Variants in USP12 observed in about 807,000 individuals in gnomAD.
The protein encoded by USP12 is ubiquitin carboxyl-terminal hydrolase 12.
A neutral mutation model predicts 45.5 loss-of-function variants in USP12; 19 were observed. The ratio of observed to expected loss-of-function variants is 0.42; its 90% CI spans 0.29 to 0.61. The LOEUF is 0.61. Among genes scored for constraint, USP12 ranks in the 20% least tolerant of loss-of-function variants. The pLI is 0.22. For missense variants in USP12, 242 were observed against 447.7 expected, an observed-to-expected ratio of 0.54 and a Z score of 4.15; for synonymous variants, 149 against 148.8, an observed-to-expected ratio of 1.00 and a Z score of -0.01.
At chr13:27,117,743 C>A (rs755420728) in intron 1 of USP12, 1 of 518,120 alleles carries the variant, frequency 1.9e-6, no homozygotes, top group South Asian at 1.4e-5. Flanking sequence ...GGAGAAAAAA[C>A]AAAATTCAAG....
At chr13:27,160,013 G>C (rs930444491) in intron 1 of USP12, among the ~76,000 whole-genome samples, 1 of 152,176 alleles carries the variant, frequency 6.6e-6, no homozygotes, top group East Asian at 1.9e-4. Flanking sequence ...GCGGAATTGC[G>C]AACACTTGGC....
chr13:27,140,322 T>C (rs941835005), intron 1 of USP12, among the ~76,000 whole-genome samples: 3 of 152,230 alleles, frequency 2.0e-5, no homozygotes, highest in Admixed American at 6.5e-5. Context: ...GTAGTTTGTC[T>C]GAAAACTCAT....
chr13:27,145,872 A>G (rs1464079661), intron 1 of USP12, among the ~76,000 whole-genome samples: 1 of 152,216 alleles, frequency 6.6e-6, no homozygotes, highest in African/African-American at 2.4e-5. Context: ...ACTAGCCCTT[A>G]TAATTAATGA....
intron 6 of USP12, among the ~76,000 whole-genome samples, chr13:27,083,531 A>G (rs1249421259): frequency 6.6e-6 from 1 of 151,922 alleles, no homozygotes; most frequent in Non-Finnish European, 1.5e-5. Flanking sequence ...CAGGGCGATC[A>G]CTCTCCTCTC....
At chr13:27,113,576 C>T (rs1446627958) in intron 2 of USP12, among the ~76,000 whole-genome samples, 3 of 152,200 alleles carry the variant, frequency 2.0e-5, no homozygotes, top group Non-Finnish European at 2.9e-5. Flanking sequence ...CTCCAATGGA[C>T]GTCAGTTCCT....
intron 6 of USP12, 60 bp downstream of exon 6, chr13:27,089,823 C>A (rs558054015): frequency 2.6e-6 from 4 of 1,536,848 alleles, no homozygotes; most frequent in South Asian, 2.4e-5. Flanking sequence ...TCTAAGCCCA[C>A]CTCCAACATC....
chr13:27,103,998 G>A (rs1875009043), intron 3 of USP12, among the ~76,000 whole-genome samples: 1 of 152,054 alleles, frequency 6.6e-6, no homozygotes, highest in Non-Finnish European at 1.5e-5. Flanking sequence ...TAAATGAAAA[G>A]GGAAATAATG....
intron 4 of USP12, among the ~76,000 whole-genome samples, chr13:27,094,695 C>T (rs1205933451): frequency 6.7e-6 from 1 of 150,322 alleles, no homozygotes; most frequent in Non-Finnish European, 1.5e-5. Flanking sequence ...ATCAGAGAAA[C>T]TAAATATGAG....
In USP12 at chr13:27,091,752, G is replaced by T. The variant is rs566510307; in HGVS notation, c.574-1594C>A. On this transcript the variant is annotated intron_variant, in intron 4 of 8. Coordinates refer to ENST00000282344, the MANE Select transcript of USP12 (RefSeq NM_182488.4). ...ACCCTGGGGAACACCCACATTTAAA[G>T]AATGGAAAAAGAGAAGCCAAGGAAT... 1.9e-3 allele frequency among the ~76,000 whole-genome samples: 293 copies of T among 152,224 alleles called. 1 individual carries two copies. The South Asian group carries it at 0.02, about 10-fold the overall frequency.
chr13:27,162,242 T>C (rs1878143565), intron 1 of USP12, among the ~76,000 whole-genome samples: 1 of 152,206 alleles, frequency 6.6e-6, no homozygotes, highest in Non-Finnish European at 1.5e-5. Flanking sequence ...TGAAACCAGT[T>C]AAACGGCCTA....
At chr13:27,159,617 T>C (rs1056884621) in intron 1 of USP12, among the ~76,000 whole-genome samples, 18 of 152,226 alleles carry the variant, frequency 1.2e-4, no homozygotes, top group Admixed American at 6.5e-5. Flanking sequence ...TCTAGATTTA[T>C]CATCTATACA....
chr13:27,135,400 T>C (rs1205935464), intron 1 of USP12, among the ~76,000 whole-genome samples: 1 of 152,264 alleles, frequency 6.6e-6, no homozygotes, highest in Non-Finnish European at 1.5e-5. Context: ...AACATTTATA[T>C]ACTCAAACGT....
At chr13:27,151,507 C>G (rs1387185989) in intron 1 of USP12, among the ~76,000 whole-genome samples, 1 of 152,034 alleles carries the variant, frequency 6.6e-6, no homozygotes, top group African/African-American at 2.4e-5. Context: ...CAGGGCCAGG[C>G]AGGGTGGCTA....
At position 27,066,890 on chromosome 13, in the gene USP12, C is replaced by A. The variant is rs1873021479; in HGVS notation, c.*2393G>T. On this transcript the variant is annotated 3_prime_UTR_variant, in exon 9 of 9. Coordinates refer to ENST00000282344, the MANE Select transcript of USP12 (RefSeq NM_182488.4). ...ACTATACCTGTATTTTTCCCCCAACCCTGACCCTATACGTTTTAAAAGTAC... is the reference window on the plus strand; with the variant it reads ...ACTATACCTGTATTTTTCCCCCAACACTGACCCTATACGTTTTAAAAGTAC... 1 of 152,158 alleles carries A rather than the reference C, an allele frequency of 6.6e-6. No individual in the cohort carries two copies. Among genetic ancestry groups the A allele is most frequent in the Non-Finnish European group, 1.5e-5 (1 of 68,034 alleles). The allele number at this position is 152,158 out of a possible 1,614,324, so 9.4% of individuals were successfully genotyped here.
intron 1 of USP12, among the ~76,000 whole-genome samples, chr13:27,166,106 A>G (rs1878334926): frequency 6.6e-6 from 1 of 152,140 alleles, no homozygotes; most frequent in South Asian, 2.1e-4. Context: ...ATTAACTCGA[A>G]GTTTTAAGAA....
chr13:27,116,654 C>T, intron 1 of USP12, 58 bp from the exon 2 acceptor site: 1 of 1,535,386 alleles, frequency 6.5e-7, no homozygotes, highest in Non-Finnish European at 8.9e-7. Flanking sequence ...CACATAATGA[C>T]ACTTCAGTCA....
intron 1 of USP12, among the ~76,000 whole-genome samples, chr13:27,143,094 A>G (rs1877142255): frequency 3.4e-5 from 1 of 29,200 alleles, no homozygotes; most frequent in African/African-American, 1.1e-4. Flanking sequence ...TCCGTCTCAA[A>G]AAAAGAAAAA....
intron 2 of USP12, among the ~76,000 whole-genome samples, chr13:27,112,824 A>AT (rs1367243515): frequency 3.3e-5 from 5 of 152,216 alleles, no homozygotes; most frequent in Admixed American, 6.5e-5. Flanking sequence ...CCATTTTTAG[A>AT]TAAAAATAAA....
Position 27,086,761 on chromosome 13 carries a change from C to A in USP12, c.734+3122G>T, listed in dbSNP as rs188688780. 1.9e-3 allele frequency among the ~76,000 whole-genome samples: 287 copies of A among 152,250 alleles called. 1 individual carries two copies. The highest frequency in any genetic ancestry group is 6.6e-3 in the African/African-American group (276 of 41,552). On this transcript the variant is annotated intron_variant, in intron 6 of 8. Transcript: ENST00000282344. ...TCTTAGCTACATTTAGTCCCTGACT[C>A]TTACTTATCCAACGGTCTTAGGTAC...
Sources: allele counts gnomAD v4.1 joint callset (sites outside exome capture counted in the v4.1 genomes callset), GRCh38; gene constraint gnomAD v4.1.1; transcripts MANE v1.5; gene names NCBI Gene and HGNC (gene_info 2026-07-23, HGNC 2026-07-21).